The following UST variants were observed in gnomAD, a reference collection of about 807,000 sequenced individuals.
UST encodes chondroitin sulfate 2-O-sulfotransferase.
A neutral mutation model predicts 45.6 loss-of-function variants in UST; 21 were observed. The ratio of observed to expected loss-of-function variants is 0.46; its 90% confidence interval spans 0.33 to 0.66. The LOEUF (loss-of-function observed/expected upper bound fraction) is 0.66, where lower values mean the gene tolerates loss of function less well. Ranked by LOEUF, UST falls within the 30% of genes least tolerant of loss-of-function variation. UST has a pLI of 0.02. For missense variants in UST, 463 were observed against 512.4 expected (o/e 0.90, Z 0.93); for synonymous variants, 215 against 200.6 (o/e 1.07, Z -0.61).
At chr6:148,795,636 T>C (rs1776934759) in intron 1 of UST, among the ~76,000 whole-genome samples, 1 of 152,174 alleles carries the variant, frequency 6.6e-6, no homozygotes, top group Non-Finnish European at 1.5e-5. Context: ...TAGAATAGCT[T>C]CTTCCATTGG....
At chr6:149,033,746 C>T (rs181296433) in intron 7 of UST, among the ~76,000 whole-genome samples, 4 of 152,350 alleles carry the variant, frequency 2.6e-5, no homozygotes, top group African/African-American at 9.6e-5. Flanking sequence ...GTCAACCAGA[C>T]TCTACCAGAA....
At chr6:148,952,906 T>C (rs1429206090) in intron 3 of UST, among the ~76,000 whole-genome samples, 2 of 152,208 alleles carry the variant, frequency 1.3e-5, no homozygotes, top group African/African-American at 2.4e-5. Context: ...GTCATAAGAA[T>C]GCTTGGAATT....
At chr6:148,919,216 A>G (rs1041655999) in intron 2 of UST, among the ~76,000 whole-genome samples, 6 of 152,074 alleles carry the variant, frequency 3.9e-5, no homozygotes, top group Non-Finnish European at 8.8e-5. Context: ...CTCTCCAACA[A>G]GGCTGTCAAG....
chr6:148,961,059 A>G (rs564245263), intron 4 of UST, among the ~76,000 whole-genome samples: 12 of 152,292 alleles, frequency 7.9e-5, no homozygotes, highest in African/African-American at 2.6e-4. Flanking sequence ...AGAGTGAGAA[A>G]CATGCAGTTA....
intron 1 of UST, among the ~76,000 whole-genome samples, chr6:148,773,277 A>G (rs1290523543): frequency 6.6e-6 from 1 of 152,180 alleles, no homozygotes; most frequent in Non-Finnish European, 1.5e-5. Flanking sequence ...CCTGGCCAAC[A>G]TGGTGAAACC....
At chr6:148,863,205 C>T (rs897193001) in intron 1 of UST, among the ~76,000 whole-genome samples, 6 of 152,138 alleles carry the variant, frequency 3.9e-5, no homozygotes, top group Non-Finnish European at 1.5e-5. Context: ...TATTTTTACT[C>T]TTTTTTCTCT....
chr6:148,960,608 C>T (rs930828989), intron 4 of UST, among the ~76,000 whole-genome samples: 4 of 152,126 alleles, frequency 2.6e-5, no homozygotes, highest in African/African-American at 7.2e-5. Flanking sequence ...CATTTGTGAA[C>T]GTGAAAACGT....
At chr6:148,824,490 G>A (rs927741006) in intron 1 of UST, among the ~76,000 whole-genome samples, 2 of 152,070 alleles carry the variant, frequency 1.3e-5, no homozygotes, top group African/African-American at 4.8e-5. Flanking sequence ...GGAGAGCTTT[G>A]GAGATCCACC....
chr6:148,967,920 T>C (rs921604160), intron 5 of UST, among the ~76,000 whole-genome samples: 8 of 152,186 alleles, frequency 5.3e-5, no homozygotes, highest in African/African-American at 1.7e-4. Flanking sequence ...AATATCATCT[T>C]GTGAGGCAGG....
chr6:148,765,779 A>G (rs966679853), intron 1 of UST, among the ~76,000 whole-genome samples: 1 of 152,190 alleles, frequency 6.6e-6, no homozygotes, highest in Non-Finnish European at 1.5e-5. Context: ...TGTCCATGAA[A>G]TCTTCACAAT....
intron 5 of UST, among the ~76,000 whole-genome samples, chr6:149,014,253 G>GT (rs1257784916): frequency 3.9e-5 from 6 of 152,332 alleles, no homozygotes; most frequent in African/African-American, 1.4e-4. Context: ...CCCCTGCAAG[G>GT]TGGGTGGGAA....
chr6:148,950,320 T>C lies in UST; in HGVS notation c.448-3552T>C, dbSNP rs747232940. 1.1e-3 allele frequency among the ~76,000 whole-genome samples: 160 copies of C among 152,340 alleles called. 2 individuals are homozygous for C. Among genetic ancestry groups the C allele is most frequent in the Non-Finnish European group, 2.0e-3 (135 of 68,024 alleles). Reference sequence around the variant, plus strand: ...CACTGAAAACCACGACCTCAGTTCATGCCATTGTCATTTGCTGTTGGGATT... The same window carrying C: ...CACTGAAAACCACGACCTCAGTTCACGCCATTGTCATTTGCTGTTGGGATT... On this transcript the variant is annotated intron_variant, in intron 3 of 7. Coordinates refer to ENST00000367463, the MANE Select transcript of UST (RefSeq NM_005715.3).
rs1582785152 is a variant in UST, at chr6:148,748,458, A to T, written c.247+781A>T. Among the ~76,000 whole-genome samples the T allele has an allele frequency of 7.2e-6, 1 of 138,184 alleles. No individual in the cohort carries two copies. The allele number at this position is 138,184 out of a possible 152,430, so 90.7% of individuals were successfully genotyped here. ...GTGTGTGTGTGTGTGTGTGTGGTTT[A>T]TTAGGAGAGAGGCCGCCTGTCTTTA... On this transcript the variant is annotated intron_variant, in intron 1 of 7. Transcript: ENST00000367463. This position sits in a 1 kb window ranked among gnomAD's most constrained non-coding sequence, Gnocchi z 5.3.
intron 5 of UST, among the ~76,000 whole-genome samples, chr6:148,968,807 C>T (rs1244855568): frequency 6.6e-6 from 1 of 152,228 alleles, no homozygotes; most frequent in African/African-American, 2.4e-5. Flanking sequence ...AATTGGGCTG[C>T]TGCCCTAACC....
intron 2 of UST, among the ~76,000 whole-genome samples, chr6:148,897,359 G>A (rs1054308658): frequency 6.6e-6 from 1 of 151,780 alleles, no homozygotes; most frequent in Admixed American, 6.6e-5. Flanking sequence ...GTAGAGATGG[G>A]GTTTCACCAT....
intron 7 of UST, among the ~76,000 whole-genome samples, chr6:149,070,661 G>A (rs1776806571): frequency 6.6e-6 from 1 of 152,000 alleles, no homozygotes; most frequent in African/African-American, 2.4e-5. Context: ...TTTTGATACA[G>A]GCATGCAATG....
At chr6:148,941,191 G>C in intron 2 of UST, 88 bp from the exon 3 acceptor site, 1 of 1,492,806 alleles carries the variant, frequency 6.7e-7, no homozygotes, top group Non-Finnish European at 9.2e-7. Flanking sequence ...TTTATTATAT[G>C]AAACAGTTAT....
intron 3 of UST, among the ~76,000 whole-genome samples, chr6:148,944,614 G>A (rs1471587229): frequency 6.6e-6 from 1 of 152,068 alleles, no homozygotes; most frequent in African/African-American, 2.4e-5. Flanking sequence ...AGGAAAGGGA[G>A]TGTGAAGACA....
chr6:149,036,792 T>A (rs993413190), intron 7 of UST, among the ~76,000 whole-genome samples: 2 of 152,204 alleles, frequency 1.3e-5, no homozygotes, highest in Non-Finnish European at 2.9e-5. Flanking sequence ...GATTAATTAA[T>A]CCCTTTTGGG....
Sources: allele counts gnomAD v4.1 joint callset (sites outside exome capture counted in the v4.1 genomes callset), GRCh38; gene constraint gnomAD v4.1.1; non-coding constraint Gnocchi (gnomAD v3.1); transcripts MANE v1.5; gene names NCBI Gene and HGNC (gene_info 2026-07-23, HGNC 2026-07-21).